Variants in DNAI7 observed in about 807,000 individuals in gnomAD.
The protein encoded by DNAI7 is cancer susceptibility 1.
In DNAI7, 78 loss-of-function variants were observed where a neutral mutation model predicts 86.6. The observed-to-expected ratio is 0.90, with a 90% confidence interval of 0.75 to 1.09. The LOEUF (loss-of-function observed/expected upper bound fraction) is 1.09, where lower values mean the gene tolerates loss of function less well. Among genes scored for constraint, DNAI7 ranks in the 50% least tolerant of loss-of-function variants. The pLI is 0.00. For missense variants in DNAI7, 753 were observed against 810.2 expected (o/e 0.93, Z 0.86); for synonymous variants, 274 against 273.0 (o/e 1.00, Z -0.04).
At chr12:25,135,268 A>G (rs2140686733) in intron 9 of DNAI7, among the ~76,000 whole-genome samples, 1 of 152,354 alleles carries the variant, frequency 6.6e-6, no homozygotes, top group East Asian at 1.9e-4. Flanking sequence ...GGATTTAGAA[A>G]GCCGAATGAA....
intron 12 of DNAI7, 143 bp from the exon 13 acceptor site, chr12:25,115,013 TGA>T (rs1206202585): frequency 4.8e-6 from 3 of 631,414 alleles, no homozygotes; most frequent in Non-Finnish European, 8.2e-6. Context: ...CCAGCTTCGC[TGA>T]GAGATTTCCC....
intron 11 of DNAI7, among the ~76,000 whole-genome samples, chr12:25,120,499 G>A (rs1378053784): frequency 6.6e-6 from 1 of 151,910 alleles, no homozygotes; most frequent in Non-Finnish European, 1.5e-5. Flanking sequence ...GAGGCGGGCG[G>A]ATCACGAGGT....
At position 25,132,692 on chromosome 12, in the gene DNAI7, C is replaced by T. The variant is rs759492232; in HGVS notation, c.1003-9406G>A. Among the ~76,000 whole-genome samples, 50 of 150,280 alleles carry T rather than the reference C, an allele frequency of 3.3e-4. 4 individuals carry two copies. The highest frequency in any genetic ancestry group is 1.2e-3 in the African/African-American group (46 of 39,716). Reference sequence around the variant, plus strand: ...CTGTACAGATTTACACTTCTAATAACGGTATGTGAAGACGCCTGCCTGCTC... The same window carrying T: ...CTGTACAGATTTACACTTCTAATAATGGTATGTGAAGACGCCTGCCTGCTC... On this transcript the variant is annotated intron_variant, in intron 9 of 15. Coordinates refer to ENST00000395987, the MANE Select transcript of DNAI7 (RefSeq NM_018272.5).
At chr12:25,117,555 G>T (rs748586902) in intron 12 of DNAI7, among the ~76,000 whole-genome samples, 3 of 151,830 alleles carry the variant, frequency 2.0e-5, no homozygotes, top group Admixed American at 6.6e-5. Flanking sequence ...CCTTAAAATG[G>T]CATACATTAA....
Position 25,119,141 on chromosome 12 carries a change from G to A in DNAI7, c.1396+4C>T. The A allele has an allele frequency of 6.3e-7, 1 of 1,589,732 alleles. No homozygotes were observed. The highest frequency in any genetic ancestry group is 8.5e-7 in the Non-Finnish European group (1 of 1,172,436). ...CTTTTATTACATAATTATAAAAGCT[G>A]TACCTTCAGCATCCCACCTTACAAC... On this transcript the variant is annotated splice_donor_region_variant and intron_variant, in intron 12 of 15. Coordinates refer to ENST00000395987, the MANE Select transcript of DNAI7 (RefSeq NM_018272.5).
At chr12:25,116,737 C>T (rs1053424408) in intron 12 of DNAI7, among the ~76,000 whole-genome samples, 3 of 151,608 alleles carry the variant, frequency 2.0e-5, no homozygotes, top group Admixed American at 6.6e-5. Context: ...TCAGGTGTTC[C>T]GCCTGCCTCA....
In DNAI7 at chr12:25,108,691, TTTC is replaced by T. The variant is rs781414606; in HGVS notation, c.2023_2025del (p.Glu675del). ...TGATATAAAGTAGAATGAAACTCAGTTTCTTCTTTAAGTGCTTCAGAAAATGCC... is the reference window on the plus strand; with the variant it reads ...TGATATAAAGTAGAATGAAACTCAGTTTCTTTAAGTGCTTCAGAAAATGCC... On this transcript the variant is annotated inframe_deletion, in exon 16 of 16. Coordinates refer to ENST00000395987, the MANE Select transcript of DNAI7 (RefSeq NM_018272.5). 1.3e-5 allele frequency: 21 copies of T among 1,613,468 alleles called. No homozygotes were observed. The African/African-American group carries it at 2.1e-4, about 16-fold the overall frequency.
intron 14 of DNAI7, among the ~76,000 whole-genome samples, chr12:25,110,964 C>T (rs978336130): frequency 2.0e-5 from 3 of 152,116 alleles, no homozygotes; most frequent in Non-Finnish European, 4.4e-5. Flanking sequence ...ATGAGCAGAA[C>T]ACTACATTCA....
At chr12:25,174,731 T>C (rs201936406) in intron 2 of DNAI7, among the ~76,000 whole-genome samples, 47,512 of 83,326 alleles carry the variant, frequency 0.57, 13,462 homozygotes, top group East Asian at 0.82. Context: ...ATATCATATA[T>C]ATATGGAATA....
At chr12:25,153,606 T>G (rs1230882439) in intron 6 of DNAI7, among the ~76,000 whole-genome samples, 1 of 152,178 alleles carries the variant, frequency 6.6e-6, no homozygotes, top group Non-Finnish European at 1.5e-5. Context: ...CTTACCACCT[T>G]GTATGTACTC....
Position 25,158,571 on chromosome 12 carries a change from A to G in DNAI7, c.107-8T>C, listed in dbSNP as rs1188180183. 6.8e-6 allele frequency: 11 copies of G among 1,607,456 alleles called. No homozygotes were observed. Among genetic ancestry groups the G allele is most frequent in the Middle Eastern group, 3.3e-4 (2 of 6,062 alleles). ...ATTTCAAACGGGCTTCCTCTAAAGA[A>G]CCAAAAATAATTTTTTTCTCAGTGA... is the stretch of plus-strand genomic sequence containing the variant. On this transcript the variant is annotated splice_polypyrimidine_tract_variant and splice_region_variant and intron_variant, in intron 3 of 15. Transcript: ENST00000395987.
chr12:25,155,563 G>T, intron 4 of DNAI7, 151 bp from the exon 5 acceptor site: 1 of 481,348 alleles, frequency 2.1e-6, no homozygotes, highest in Admixed American at 3.9e-5. Flanking sequence ...TCTCCAAAAG[G>T]TTTCATCTGA....
In DNAI7 at chr12:25,120,317, G is replaced by GGAGAGAGAGAGAGAGAGAGA. The variant is rs369253749; in HGVS notation, c.1240-1036_1240-1017dup. Among the ~76,000 whole-genome samples the GGAGAGAGAGAGAGAGAGAGA allele has an allele frequency of 2.8e-3, 225 of 80,752 alleles. 19 individuals are homozygous for GGAGAGAGAGAGAGAGAGAGA. The highest frequency in any genetic ancestry group is 3.4e-3 in the African/African-American group (102 of 30,348). 53.0% of individuals were successfully genotyped at this position (80,752 alleles called of 152,430 possible). A position where few individuals can be genotyped will look rare whatever the true frequency, so the allele number is the denominator to read the frequency against. On this transcript the variant is annotated intron_variant, in intron 11 of 15. Transcript: ENST00000395987. ...AGAAGAGAGAGAGAGGCAGGAAGAG[G>GGAGAGAGAGAGAGAGAGAGA]GAGAGAGAGAGAGAGAGAGAGAGAG...
At chr12:25,115,434 C>A (rs1157550119) in intron 12 of DNAI7, among the ~76,000 whole-genome samples, 1 of 152,184 alleles carries the variant, frequency 6.6e-6, no homozygotes, top group Non-Finnish European at 1.5e-5. Context: ...CAGCCCCAGG[C>A]AACGATTAAT....
At chr12:25,186,351 T>TA (rs977511820) in intron 2 of DNAI7, among the ~76,000 whole-genome samples, 2 of 152,134 alleles carry the variant, frequency 1.3e-5, no homozygotes, top group Non-Finnish European at 2.9e-5. Context: ...CTTTCTTCAT[T>TA]AAAAAATTAA....
intron 8 of DNAI7, among the ~76,000 whole-genome samples, chr12:25,144,967 C>T (rs1022163651): frequency 2.0e-5 from 3 of 152,154 alleles, no homozygotes; most frequent in Admixed American, 6.5e-5. Context: ...TTACTCAGTG[C>T]TCCATCCTAA....
Position 25,119,320 on chromosome 12 carries a change from ACAACAT to A in DNAI7, c.1240-25_1240-20del, listed in dbSNP as rs777508252. The A allele has an allele frequency of 1.3e-6, 2 of 1,568,432 alleles. No individual in the cohort carries two copies. Among genetic ancestry groups the A allele is most frequent in the South Asian group, 2.3e-5 (2 of 86,570 alleles). The stretch of plus-strand genomic sequence containing the variant: ...TGAGTATCTTTTTAAAATGACCAAA[ACAACAT>A]CAAGTTAGTTGACTGGTAGCAGTGA... On this transcript the variant is annotated intron_variant, in intron 11 of 15. Transcript: ENST00000395987.
In DNAI7 at chr12:25,174,698, G is replaced by T. The variant is rs115165791; in HGVS notation, c.22-13501C>A. 4.5e-3 allele frequency among the ~76,000 whole-genome samples: 352 copies of T among 79,056 alleles called. 10 individuals carry two copies. Among genetic ancestry groups the T allele is most frequent in the African/African-American group, 6.8e-3 (127 of 18,734 alleles). 51.9% of individuals were successfully genotyped at this position (79,056 alleles called of 152,430 possible). ...ATATATCATATATATATGGAATATA[G>T]ATATCATACATATGGAATATATATA... On this transcript the variant is annotated intron_variant, in intron 2 of 15. Coordinates refer to ENST00000395987, the MANE Select transcript of DNAI7 (RefSeq NM_018272.5).
At chr12:25,121,986 T>A (rs570094708) in intron 10 of DNAI7, 73 bp from the exon 11 acceptor site, 4 of 1,043,170 alleles carry the variant, frequency 3.8e-6, no homozygotes, top group Non-Finnish European at 5.5e-6. Context: ...AATTTAAAAA[T>A]TCTCATACTG....
Sources: allele counts gnomAD v4.1 joint callset (sites outside exome capture counted in the v4.1 genomes callset), GRCh38; gene constraint gnomAD v4.1.1; transcripts MANE v1.5; gene names NCBI Gene and HGNC (gene_info 2026-07-23, HGNC 2026-07-21).